PIEZO2: variants seen among roughly 807,000 people sequenced by gnomAD.
PIEZO2 encodes the protein piezo type mechanosensitive ion channel component 2, also known as piezo-type mechanosensitive ion channel component 2.
A neutral mutation model predicts 337.3 loss-of-function variants in PIEZO2; 172 were observed. That is an observed-to-expected ratio of 0.51 (90% confidence interval 0.45 to 0.58). The LOEUF (loss-of-function observed/expected upper bound fraction) is 0.58. PIEZO2 is among the 20% of genes least tolerant of loss of function. The pLI is 0.00. For synonymous variants in PIEZO2, 1,251 were observed against 1,228.5 expected, an observed-to-expected ratio of 1.02 and a Z score of -0.38; for missense variants, 3,028 against 3,391.3, an observed-to-expected ratio of 0.89 and a Z score of 2.66.
rs964817525 is a variant in PIEZO2, at chr18:10,803,926, C to A, written c.1149G>T (p.Gly383=). The A allele has an allele frequency of 2.6e-6, 4 of 1,537,338 alleles. No homozygotes were observed. The highest frequency in any genetic ancestry group is 3.5e-6 in the Non-Finnish European group (4 of 1,146,926). The change falls in exon 9 of 56, where the codon GGG becomes GGT. Residue 383 remains glycine (G), a synonymous_variant. Coordinates refer to ENST00000674853, the MANE Select transcript of PIEZO2 (RefSeq NM_001378183.1). ...TTGCGTACCACAGGCTCCGCCTCCTCCCCGCTGTTATTTGGATGGGGCTAC... is the reference window on the plus strand; with the variant it reads ...TTGCGTACCACAGGCTCCGCCTCCTACCCGCTGTTATTTGGATGGGGCTAC... The part of the protein sequence containing the change: ...LACSPIQITA[G]RRRSLWYATH...
At chr18:11,057,472 C>A (rs1223705471) in intron 2 of PIEZO2, among the ~76,000 whole-genome samples, 1 of 152,174 alleles carries the variant, frequency 6.6e-6, no homozygotes, top group Non-Finnish European at 1.5e-5. Context: ...ATTCCCTTCA[C>A]AACAGTATTG....
In PIEZO2 at chr18:10,705,461, C is replaced by T. The variant is rs909858319; in HGVS notation, c.5874G>A (p.Gln1958=). The part of the protein sequence containing the change: ...VSFEHLSFGS[Q]DDSAGKNRMA... ...TACGGTTCTTGCCTGCAGAGTCGTC[C>T]TGCGAGCCGAAGGACAGATGCTCGA... Residue 1958 remains glutamine (Q), a synonymous_variant, in exon 41 of 56, where the codon CAG becomes CAA. Coordinates refer to ENST00000674853, the MANE Select transcript of PIEZO2 (RefSeq NM_001378183.1). 7 of 1,537,126 alleles carry T rather than the reference C, an allele frequency of 4.6e-6. No homozygotes were observed. The African/African-American group carries it at 5.5e-5, about 12-fold the overall frequency.
At chr18:10,897,125 T>C (rs574822339) in intron 4 of PIEZO2, among the ~76,000 whole-genome samples, 2 of 152,252 alleles carry the variant, frequency 1.3e-5, no homozygotes, top group Non-Finnish European at 2.9e-5. Context: ...GAGGGATAAC[T>C]GAATCCTGGG....
At chr18:11,086,020 TG>T (rs2038898237) in intron 1 of PIEZO2, among the ~76,000 whole-genome samples, 1 of 152,012 alleles carries the variant, frequency 6.6e-6, no homozygotes, top group South Asian at 2.1e-4. Flanking sequence ...CCTGACAGAG[TG>T]AGTCATCAAT....
At chr18:10,927,245 T>A (rs1030368873) in intron 3 of PIEZO2, among the ~76,000 whole-genome samples, 3 of 151,434 alleles carry the variant, frequency 2.0e-5, no homozygotes, top group African/African-American at 7.3e-5. Flanking sequence ...TTATTATTAT[T>A]ATTTTTTAAA....
At chr18:11,061,307 T>C in intron 2 of PIEZO2, among the ~76,000 whole-genome samples, 1 of 151,246 alleles carries the variant, frequency 6.6e-6, no homozygotes, top group Non-Finnish European at 1.5e-5. Context: ...TCATACTGAA[T>C]GGGCAAAAAC....
intron 2 of PIEZO2, among the ~76,000 whole-genome samples, chr18:11,024,274 G>A (rs953670815): frequency 2.0e-5 from 3 of 152,032 alleles, no homozygotes; most frequent in Non-Finnish European, 2.9e-5. Context: ...GGCCGGGCGC[G>A]GTGGTTCACG....
At chr18:10,910,429 G>A (rs1409420912) in intron 4 of PIEZO2, among the ~76,000 whole-genome samples, 5 of 151,972 alleles carry the variant, frequency 3.3e-5, no homozygotes, top group South Asian at 2.1e-4. Context: ...CTAAAAATAC[G>A]AAAATAAGCT....
intron 2 of PIEZO2, among the ~76,000 whole-genome samples, chr18:11,050,524 TAC>T (rs56107549): frequency 0.01 from 1,506 of 149,022 alleles, 12 homozygotes; most frequent in East Asian, 0.043. Context: ...GTGTTTATTT[TAC>T]ACACACACAC....
At chr18:10,971,643 G>A (rs2145438386) in intron 3 of PIEZO2, among the ~76,000 whole-genome samples, 1 of 152,270 alleles carries the variant, frequency 6.6e-6, no homozygotes, top group East Asian at 1.9e-4. Flanking sequence ...ACCAAGTCAA[G>A]CATATACAGT....
rs999662856 is a variant in PIEZO2, at chr18:11,129,257, C to A, written c.64+19268G>T. On this transcript the variant is annotated intron_variant, in intron 1 of 55. Transcript: ENST00000674853. This position sits in a 1 kb window ranked among gnomAD's most constrained non-coding sequence, Gnocchi z 4.6. ...CTTTGGAACCACAGTCACTCAACTA[C>A]AAAACTTAAATACAATGAGAATAAT... Among the ~76,000 whole-genome samples the A allele has an allele frequency of 1.3e-5, 2 of 152,104 alleles. No homozygotes were observed. Among genetic ancestry groups the A allele is most frequent in the African/African-American group, 4.8e-5 (2 of 41,434 alleles).
Position 11,003,089 on chromosome 18 carries a change from A to T in PIEZO2, c.161-23429T>A, listed in dbSNP as rs2035603903. Among the ~76,000 whole-genome samples, 1 of 152,190 alleles carries T rather than the reference A, an allele frequency of 6.6e-6. No homozygotes were observed. Among genetic ancestry groups the T allele is most frequent in the Non-Finnish European group, 1.5e-5 (1 of 68,022 alleles). ...TCTAACCTGGGAGATGTCCAGTGAC[A>T]TGTCTTTGCCGTGCCCTCCCAGGTC... is the stretch of plus-strand genomic sequence containing the variant. On this transcript the variant is annotated intron_variant, in intron 2 of 55. Coordinates refer to ENST00000674853, the MANE Select transcript of PIEZO2 (RefSeq NM_001378183.1). The surrounding 1 kb of genome is among the most constrained non-coding windows in gnomAD (Gnocchi z 4.6).
At chr18:10,723,944 A>T (rs1020899967) in intron 36 of PIEZO2, among the ~76,000 whole-genome samples, 2 of 152,204 alleles carry the variant, frequency 1.3e-5, no homozygotes, top group African/African-American at 2.4e-5. Context: ...CTGAGGAAAA[A>T]TGGGCAAGAG....
intron 43 of PIEZO2, 105 bp downstream of exon 43, chr18:10,701,884 C>T: frequency 1.0e-6 from 1 of 973,312 alleles, no homozygotes; most frequent in Non-Finnish European, 1.4e-6. Flanking sequence ...ACTGGCCCCT[C>T]AGCCCCATCA....
intron 1 of PIEZO2, among the ~76,000 whole-genome samples, chr18:11,081,623 C>A (rs2038744499): frequency 1.3e-5 from 2 of 152,152 alleles, no homozygotes; most frequent in African/African-American, 4.8e-5. Flanking sequence ...CAGTGCTAAC[C>A]CAGCATGATC....
At chr18:11,145,457 T>C (rs1389129750) in intron 1 of PIEZO2, among the ~76,000 whole-genome samples, 1 of 152,184 alleles carries the variant, frequency 6.6e-6, no homozygotes, top group African/African-American at 2.4e-5. Flanking sequence ...GCAGGAAAAT[T>C]TCAACATCAG....
At chr18:11,081,587 C>T (rs1323030905) in intron 1 of PIEZO2, among the ~76,000 whole-genome samples, 1 of 152,178 alleles carries the variant, frequency 6.6e-6, no homozygotes, top group Non-Finnish European at 1.5e-5. Context: ...CCTGGGGCCA[C>T]TTCTCAGCCA....
intron 2 of PIEZO2, among the ~76,000 whole-genome samples, chr18:10,989,021 G>C (rs1012197854): frequency 6.6e-6 from 1 of 152,104 alleles, no homozygotes; most frequent in Non-Finnish European, 1.5e-5. Flanking sequence ...ATACAGCATA[G>C]TGATTATAGA....
rs187041403 is a variant in PIEZO2, at chr18:11,016,502, G to A, written c.161-36842C>T. On this transcript the variant is annotated intron_variant, in intron 2 of 55. Coordinates refer to ENST00000674853, the MANE Select transcript of PIEZO2 (RefSeq NM_001378183.1). The surrounding 1 kb of genome is among the most constrained non-coding windows in gnomAD (Gnocchi z 5.6). ...GCAAAGGGTGGGTATGAGGGGGGTC[G>A]GGTTAAGCGGCTTAACAAAGAGGTG... Among the ~76,000 whole-genome samples, 95 of 152,260 alleles carry A rather than the reference G, an allele frequency of 6.2e-4. No homozygotes were observed. The highest frequency in any genetic ancestry group is 2.2e-3 in the African/African-American group (92 of 41,554).
Sources: allele counts gnomAD v4.1 joint callset (sites outside exome capture counted in the v4.1 genomes callset), GRCh38; gene constraint gnomAD v4.1.1; non-coding constraint Gnocchi (gnomAD v3.1); transcripts MANE v1.5; gene names NCBI Gene and HGNC (gene_info 2026-07-23, HGNC 2026-07-21).